The following PELP1 variants were observed in gnomAD, a reference collection of about 807,000 sequenced individuals.
The protein encoded by PELP1 is proline-, glutamic acid- and leucine-rich protein 1.
In PELP1, 32 loss-of-function variants were observed where a neutral mutation model predicts 95.5. The observed-to-expected ratio is 0.34, with a 90% CI of 0.25 to 0.45. The LOEUF (loss-of-function observed/expected upper bound fraction) is 0.45, where lower values mean the gene tolerates loss of function less well. Among genes scored for constraint, PELP1 ranks in the 20% least tolerant of loss-of-function variants. The pLI, the probability that PELP1 is intolerant of heterozygous loss-of-function variation, is 1.00. For synonymous variants in PELP1, 668 were observed against 600.1 expected (o/e 1.11, Z -1.65); for missense variants, 1,358 against 1,444.8 (o/e 0.94, Z 0.97).
At chr17:4,693,536 T>C (rs1056848703) in intron 1 of PELP1, among the ~76,000 whole-genome samples, 5 of 152,246 alleles carry the variant, frequency 3.3e-5, no homozygotes, top group Admixed American at 1.3e-4. Context: ...GCATCTCTAC[T>C]CTTACGCTTT....
At chr17:4,702,288 G>A (rs1051010149) in intron 1 of PELP1, among the ~76,000 whole-genome samples, 1 of 152,104 alleles carries the variant, frequency 6.6e-6, no homozygotes, top group African/African-American at 2.4e-5. Flanking sequence ...GCATGGTGGC[G>A]CATGCCTGTG....
Position 4,675,973 on chromosome 17 carries a change from G to A in PELP1, c.980+63C>T. 6.2e-7 allele frequency: 1 copy of A among 1,603,822 alleles called. No individual in the cohort carries two copies. Among genetic ancestry groups the A allele is most frequent in the East Asian group, 2.2e-5 (1 of 44,758 alleles). On this transcript the variant is annotated intron_variant, in intron 8 of 16. Coordinates refer to ENST00000572293, the MANE Select transcript of PELP1 (RefSeq NM_014389.3). This position sits in a 1 kb window ranked among gnomAD's most constrained non-coding sequence, Gnocchi z 4.3. ...CTTCATCTCCTTTCTCCTGATGAAG[G>A]CGACACTCCCTCATCAATCCCTCCT...
At position 4,675,932 on chromosome 17, in the gene PELP1, T is replaced by TA. The variant is rs1567661800; in HGVS notation, c.981-49dup. 3.2e-6 allele frequency: 5 copies of TA among 1,585,074 alleles called. No homozygotes were observed. Among genetic ancestry groups the TA allele is most frequent in the Non-Finnish European group, 4.3e-6 (5 of 1,162,182 alleles). ...GACCTTCAGAGCAGGCTCCCTGGCATAACTCCCACACCCACCTTCATCTCC... is the reference window on the plus strand; with the variant it reads ...GACCTTCAGAGCAGGCTCCCTGGCATAAACTCCCACACCCACCTTCATCTCC... On this transcript the variant is annotated intron_variant, in intron 8 of 16. Coordinates refer to ENST00000572293, the MANE Select transcript of PELP1 (RefSeq NM_014389.3). This position sits in a 1 kb window ranked among gnomAD's most constrained non-coding sequence, Gnocchi z 4.3.
At position 4,672,877 on chromosome 17, in the gene PELP1, G is replaced by C. The variant is rs1597445699; in HGVS notation, c.2114C>G (p.Thr705Arg). The C allele has an allele frequency of 6.2e-7, 1 of 1,613,912 alleles. No homozygotes were observed. Residue 705 changes from threonine (T) to arginine (R), a missense_variant, in exon 16 of 17, where the codon ACA becomes AGA. This residue lies in a region of PELP1 where 340 missense variants were observed against 322.9 expected (regional missense o/e 1.05). Transcript: ENST00000572293. ...GACAGAAAGGCCTAGGTGGTTGGCTGTGGTGGGAGGTCCAGGGCGTGCCGA... is the reference window on the plus strand; with the variant it reads ...GACAGAAAGGCCTAGGTGGTTGGCTCTGGTGGGAGGTCCAGGGCGTGCCGA... ...VPSARPGPPT[T>R]ANHLGLSVPG... is the part of the protein sequence containing the mutation.
At chr17:4,686,445 T>C (rs963677099) in intron 3 of PELP1, among the ~76,000 whole-genome samples, 1 of 152,190 alleles carries the variant, frequency 6.6e-6, no homozygotes, top group Non-Finnish European at 1.5e-5. Context: ...TTAGCAGCCA[T>C]CTACATAGAG....
Position 4,674,965 on chromosome 17 carries a change from T to C in PELP1, c.1275-9A>G. The C allele has an allele frequency of 2.5e-6, 4 of 1,607,638 alleles. No homozygotes were observed. The highest frequency in any genetic ancestry group is 4.5e-5 in the East Asian group (2 of 44,708). On this transcript the variant is annotated splice_polypyrimidine_tract_variant and intron_variant, in intron 11 of 16. Transcript: ENST00000572293. ...CCTTGGTCCGAACCGTGCTGTGTCA[T>C]GAGCAAAGATGGCAGTTATGAATGG...
chr17:4,683,335 C>T (rs1406618199), intron 3 of PELP1, among the ~76,000 whole-genome samples: 1 of 151,388 alleles, frequency 6.6e-6, no homozygotes, highest in Non-Finnish European at 1.5e-5. Flanking sequence ...ATTCTCCTGC[C>T]TCAGCCTCCC....
chr17:4,701,490 G>A (rs77222381), intron 1 of PELP1, among the ~76,000 whole-genome samples: 2,679 of 152,304 alleles, frequency 0.018, 76 homozygotes, highest in African/African-American at 0.057. Context: ...ACGGATTACA[G>A]AGGGCAAGAC....
In PELP1 at chr17:4,673,087, A is replaced by G; in HGVS notation, c.1904T>C (p.Val635Ala). 1 of 1,522,186 alleles carries G rather than the reference A, an allele frequency of 6.6e-7. No homozygotes were observed. Among genetic ancestry groups the G allele is most frequent in the Non-Finnish European group, 8.8e-7 (1 of 1,137,268 alleles). 94.3% of individuals were successfully genotyped at this position (1,522,186 alleles called of 1,614,324 possible). A position where few individuals can be genotyped will look rare whatever the true frequency, so the allele number is the denominator to read the frequency against. Reference protein sequence around the residue: ...VTCAALTHPRVPPLQPMGPTC... With the variant: ...VTCAALTHPRAPPLQPMGPTC... ...GGGGCCCATGGGCTGCAGGGGAGGA[A>G]CCCGGGGGTGGGTCAGAGCAGCACA... The change falls in exon 16 of 17, where the codon GTT (valine) becomes GCT (alanine). Residue 635 changes from valine to alanine, a missense_variant. Val to Ala is a moderately conservative substitution (Grantham distance 64). Coordinates refer to ENST00000572293, the MANE Select transcript of PELP1 (RefSeq NM_014389.3). The surrounding 1 kb of genome is among the most constrained non-coding windows in gnomAD (Gnocchi z 5.7).
chr17:4,691,291 G>C, intron 2 of PELP1, 87 bp downstream of exon 2: 5 of 948,070 alleles, frequency 5.3e-6, no homozygotes, highest in South Asian at 4.1e-5. Flanking sequence ...TGAATCCTGG[G>C]GACGGTGACA....
chr17:4,676,719 C>T, intron 6 of PELP1, 34 bp downstream of exon 6: 1 of 1,535,904 alleles, frequency 6.5e-7, no homozygotes, highest in East Asian at 2.4e-5. Context: ...AGGCTCAGAT[C>T]CCCGGGCTCT....
chr17:4,696,312 A>G (rs1913295070), intron 1 of PELP1, among the ~76,000 whole-genome samples: 1 of 152,224 alleles, frequency 6.6e-6, no homozygotes, highest in African/African-American at 2.4e-5. Flanking sequence ...CAGCCTGAAC[A>G]GCAAAGCAAC....
rs2150569859 is a variant in PELP1 at position 4,704,108 on chromosome 17, C to T, written c.4G>A (p.Ala2Thr). 1.9e-6 allele frequency: 3 copies of T among 1,605,784 alleles called. No individual in the cohort carries two copies. The East Asian group carries it at 6.7e-5, about 36-fold the overall frequency. The change falls in exon 1 of 17, where the codon GCG (alanine) becomes ACG (threonine). Residue 2 changes from alanine to threonine, a missense_variant. Physicochemically the swap from Ala to Thr is moderately conservative, Grantham distance 58. This residue lies in a region of PELP1 where 169 missense variants were observed against 134.9 expected (regional missense o/e 1.25). Coordinates refer to ENST00000572293, the MANE Select transcript of PELP1 (RefSeq NM_014389.3). ...GAGGGCCCACTCAGAACGGCTGCCG[C>T]CATCTTCCCCCGGGTTCCAGTGGTG... M[A>T]AAVLSGPSAG...
chr17:4,671,480 CA>C lies in PELP1; in HGVS notation c.3351del (p.Asp1118MetfsTer25), dbSNP rs1567658934. The C allele has an allele frequency of 3.1e-6, 5 of 1,610,766 alleles. No homozygotes were observed. Among genetic ancestry groups the C allele is most frequent in the Non-Finnish European group, 3.4e-6 (4 of 1,176,982 alleles). On this transcript the variant is annotated frameshift_variant, in exon 17 of 17. Coordinates refer to ENST00000572293, the MANE Select transcript of PELP1 (RefSeq NM_014389.3). LOFTEE classifies it high-confidence loss of function. Reference sequence around the variant, plus strand: ...GTGGGAGGTGGTGGCTTCTCATCATCAGGGGGACAATCGATGAAGTCGGCCA... The same window carrying C: ...GTGGGAGGTGGTGGCTTCTCATCATCGGGGGACAATCGATGAAGTCGGCCA... ...AMLADFIDCP[P>X]DDEKPPPPTE...
chr17:4,676,860 G>C, intron 5 of PELP1, 48 bp from the exon 6 acceptor site: 1 of 1,396,724 alleles, frequency 7.2e-7, no homozygotes, highest in Non-Finnish European at 9.9e-7. Context: ...AGCTCTGAGA[G>C]CCAGAGATGT....
At chr17:4,686,853 T>A (rs911602931) in intron 3 of PELP1, among the ~76,000 whole-genome samples, 2 of 152,058 alleles carry the variant, frequency 1.3e-5, no homozygotes, top group Non-Finnish European at 2.9e-5. Flanking sequence ...CACCACCTCC[T>A]CATCCCTGCT....
At chr17:4,683,170 A>G (rs905910107) in intron 3 of PELP1, 2 of 954,730 alleles carry the variant, frequency 2.1e-6, no homozygotes. Context: ...TGTGGGGGAA[A>G]AAAAGAGTAA....
chr17:4,686,991 C>T (rs12051581), intron 3 of PELP1, among the ~76,000 whole-genome samples: 148,918 of 152,286 alleles, frequency 0.98, 72,895 homozygotes, highest in Middle Eastern at 1. Flanking sequence ...CAATTCTAGC[C>T]ACATGCTGGA....
chr17:4,688,291 T>C (rs9909669), intron 3 of PELP1, among the ~76,000 whole-genome samples: 148,096 of 152,040 alleles, frequency 0.97, 72,237 homozygotes, highest in Middle Eastern at 1. Context: ...GCCAAGTCTG[T>C]GCCACTGCAC....
Sources: gnomAD v4.1 joint callset for allele counts (sites outside exome capture counted in the v4.1 genomes callset) on GRCh38, gnomAD v4.1.1 for gene constraint, gnomAD v4.1.1 regional missense constraint, Gnocchi (gnomAD v3.1) non-coding constraint, MANE v1.5 for transcripts, NCBI Gene and HGNC (gene_info 2026-07-23, HGNC 2026-07-21) for gene names.